DMD: variants seen among roughly 807,000 people sequenced by gnomAD.
The protein encoded by DMD is dystrophin.
Under a neutral mutation model 330.1 loss-of-function variants are expected in DMD, and 63 were observed. The ratio of observed to expected loss-of-function variants is 0.19; its 90% CI spans 0.16 to 0.24. The LOEUF (loss-of-function observed/expected upper bound fraction) is 0.24, where lower values mean the gene tolerates loss of function less well. Among genes scored for constraint, DMD ranks in the 10% least tolerant of loss-of-function variants. The pLI, the probability that DMD is intolerant of heterozygous loss-of-function variation, is 1.00. For synonymous variants in DMD, 1,223 were observed against 959.8 expected, an observed-to-expected ratio of 1.27 and a Z score of -5.07; for missense variants, 3,344 against 2,684.1, an observed-to-expected ratio of 1.25 and a Z score of -5.43.
At chrX:31,724,684 C>G (rs776824646) in intron 52 of DMD, among the ~76,000 whole-genome samples, 1 of 112,110 alleles carries the variant, frequency 8.9e-6, no homozygotes, top group Non-Finnish European at 1.9e-5. Flanking sequence ...CTCCAGTTCT[C>G]TCTGTACCAA....
intron 1 of DMD, among the ~76,000 whole-genome samples, chrX:33,312,140 A>T (rs904337018): frequency 9.0e-6 from 1 of 111,283 alleles, no homozygotes; most frequent in African/African-American, 3.3e-5. Context: ...AGGAATAAAA[A>T]AGGAATAAAA....
At chrX:32,980,271 C>T (rs1028941818) in intron 2 of DMD, among the ~76,000 whole-genome samples, 7 of 102,484 alleles carry the variant, frequency 6.8e-5, no homozygotes, top group East Asian at 6.4e-4. Context: ...GAGGCTGAGG[C>T]GCGAGGAATG....
chrX:31,517,608 T>C (rs769313599), intron 55 of DMD, among the ~76,000 whole-genome samples: 1 of 110,610 alleles, frequency 9.0e-6, no homozygotes, highest in South Asian at 3.9e-4. Flanking sequence ...GTGTTCAGGG[T>C]AAATGTAGCA....
chrX:33,102,695 T>C (rs2148382318), intron 1 of DMD, among the ~76,000 whole-genome samples: 1 of 111,558 alleles, frequency 9.0e-6, no homozygotes, highest in South Asian at 3.7e-4. Context: ...ATATCCAGAG[T>C]CCATTCAGTC....
intron 7 of DMD, among the ~76,000 whole-genome samples, chrX:32,730,492 A>G (rs780277493): frequency 1.4e-3 from 162 of 112,521 alleles, no homozygotes; most frequent in African/African-American, 5.0e-3. Flanking sequence ...AACAGGAAGT[A>G]GACTTAGAGA....
intron 78 of DMD, among the ~76,000 whole-genome samples, chrX:31,125,015 CT>C (rs1437206686): frequency 9.0e-6 from 1 of 111,349 alleles, no homozygotes; most frequent in African/African-American, 3.3e-5. Context: ...TGTTTTGATT[CT>C]TTGGCTTCTG....
At chrX:33,326,752 C>T (rs1267222165) in intron 1 of DMD, among the ~76,000 whole-genome samples, 1 of 111,485 alleles carries the variant, frequency 9.0e-6, no homozygotes, top group Non-Finnish European at 1.9e-5. Context: ...AGCCTAGCAG[C>T]CTTGTGAAGG....
chrX:32,023,998 T>C (rs184039842), intron 44 of DMD, among the ~76,000 whole-genome samples: 85 of 111,465 alleles, frequency 7.6e-4, no homozygotes, highest in African/African-American at 2.8e-3. Context: ...GCTCGCTACC[T>C]GGGTGGTGGG....
chrX:33,049,622 C>G (rs1346112440), intron 1 of DMD, among the ~76,000 whole-genome samples: 1 of 110,756 alleles, frequency 9.0e-6, no homozygotes, highest in Non-Finnish European at 1.9e-5. Flanking sequence ...ACTAAACTTG[C>G]CTAAATTAGG....
intron 26 of DMD, among the ~76,000 whole-genome samples, chrX:32,454,057 G>T (rs757490309): frequency 9.1e-6 from 1 of 110,203 alleles, no homozygotes; most frequent in African/African-American, 3.3e-5. Context: ...GTTGCCCAAG[G>T]CCATACGAAA....
At chrX:32,036,683 C>G (rs751871672) in intron 44 of DMD, among the ~76,000 whole-genome samples, 8 of 111,305 alleles carry the variant, frequency 7.2e-5, no homozygotes, top group Non-Finnish European at 1.5e-4. Flanking sequence ...GGAATTATAG[C>G]TTAAGGGTCA....
At chrX:32,103,717 A>G (rs1251114475) in intron 44 of DMD, among the ~76,000 whole-genome samples, 2 of 112,257 alleles carry the variant, frequency 1.8e-5, no homozygotes, top group African/African-American at 3.2e-5. Context: ...ATGTATGTAT[A>G]AGGAAGGCCT....
chrX:33,042,333 C>T (rs1410557723), intron 1 of DMD, among the ~76,000 whole-genome samples: 2 of 111,349 alleles, frequency 1.8e-5, no homozygotes, highest in African/African-American at 6.5e-5. Context: ...TTCAAACTTT[C>T]TATTAATATA....
In DMD at chrX:32,525,378, G is replaced by C. The variant is rs778870807; in HGVS notation, c.2169-7247C>G. Among the ~76,000 whole-genome samples the C allele has an allele frequency of 3.6e-5, 4 of 110,989 alleles. No individual in the cohort carries two copies. In the Admixed American group the frequency reaches 3.9e-4, roughly 11 times the overall value. On this transcript the variant is annotated intron_variant, in intron 17 of 78. Transcript: ENST00000357033. The stretch of plus-strand genomic sequence containing the variant: ...TGGATAGCCTCATCTCTTTATGCCA[G>C]CAATGAGGATGGAAGGGTGAAGAGG...
intron 2 of DMD, among the ~76,000 whole-genome samples, chrX:32,883,590 C>T (rs776374045): frequency 6.4e-5 from 7 of 109,818 alleles, no homozygotes; most frequent in Admixed American, 9.8e-5. Flanking sequence ...TTTGGGAGGC[C>T]GAGCCAGGTG....
chrX:32,644,693 C>T (rs753691320), intron 10 of DMD, among the ~76,000 whole-genome samples: 1 of 110,426 alleles, frequency 9.1e-6, no homozygotes, highest in Non-Finnish European at 1.9e-5. Context: ...TACCATACAT[C>T]AACTCAGGAA....
At chrX:32,885,428 A>AC (rs1160086478) in intron 2 of DMD, among the ~76,000 whole-genome samples, 1 of 89,687 alleles carries the variant, frequency 1.1e-5, no homozygotes, top group Non-Finnish European at 2.4e-5. Flanking sequence ...AAGAGAAATG[A>AC]CAAAAAAAAG....
chrX:32,840,722 A>C (rs192579017), intron 4 of DMD, among the ~76,000 whole-genome samples: 4 of 112,195 alleles, frequency 3.6e-5, no homozygotes, highest in African/African-American at 1.3e-4. Context: ...ACTCAAATAC[A>C]TTTTAACGAC....
intron 25 of DMD, 120 bp from the exon 26 acceptor site, chrX:32,454,952 G>A (rs2098350448): frequency 1.2e-6 from 1 of 820,971 alleles, no homozygotes; most frequent in African/African-American, 2.1e-5. Flanking sequence ...GAAGTAAAAA[G>A]CTTATATGCA....
Sources: gnomAD v4.1 joint callset for allele counts (sites outside exome capture counted in the v4.1 genomes callset) on GRCh38, gnomAD v4.1.1 for gene constraint, MANE v1.5 for transcripts, NCBI Gene and HGNC (gene_info 2026-07-23, HGNC 2026-07-21) for gene names.